Variants in FGF18 observed in about 807,000 individuals in gnomAD.
FGF18 encodes fibroblast growth factor 18.
A neutral mutation model predicts 23.0 loss-of-function variants in FGF18; 5 were observed. That is an observed-to-expected ratio of 0.22 (90% CI 0.11 to 0.46). The LOEUF (loss-of-function observed/expected upper bound fraction) is 0.46, where lower values mean the gene tolerates loss of function less well. Ranked by LOEUF, FGF18 falls within the 20% of genes least tolerant of loss-of-function variation. The probability of loss-of-function intolerance (pLI) is 0.99; values close to 1 mark genes in which losing one functional copy is unlikely to be tolerated. For synonymous variants in FGF18, 117 were observed against 118.9 expected (o/e 0.98, Z 0.10); for missense variants, 180 against 291.6 (o/e 0.62, Z 2.79).
At chr5:171,432,286 C>T (rs932481413) in intron 2 of FGF18, among the ~76,000 whole-genome samples, 40 of 152,204 alleles carry the variant, frequency 2.6e-4, no homozygotes, top group Non-Finnish European at 1.5e-5. Context: ...TGTGCTCTGG[C>T]AGCAGACCTT....
intron 4 of FGF18, among the ~76,000 whole-genome samples, chr5:171,455,593 C>T (rs926070236): frequency 1.3e-5 from 2 of 152,226 alleles, no homozygotes; most frequent in Non-Finnish European, 2.9e-5. Flanking sequence ...CTGTCCTTCT[C>T]TCCTCCTTGA....
At chr5:171,420,997 C>T (rs192518182) in intron 2 of FGF18, among the ~76,000 whole-genome samples, 54 of 152,332 alleles carry the variant, frequency 3.5e-4, no homozygotes, top group Admixed American at 3.3e-3. Context: ...CCGCTGCCCG[C>T]GAGGCCGCTC....
intron 2 of FGF18, among the ~76,000 whole-genome samples, chr5:171,432,400 C>T (rs1294682881): frequency 1.3e-5 from 2 of 151,808 alleles, no homozygotes; most frequent in African/African-American, 2.4e-5. Flanking sequence ...ATTATATTTA[C>T]TTATTTATTC....
At chr5:171,448,843 G>A (rs1351136202) in intron 3 of FGF18, among the ~76,000 whole-genome samples, 1 of 152,124 alleles carries the variant, frequency 6.6e-6, no homozygotes, top group African/African-American at 2.4e-5. Flanking sequence ...CAGCCACAGG[G>A]GGCAGAACTC....
chr5:171,441,556 C>T (rs1268618440), intron 3 of FGF18, among the ~76,000 whole-genome samples: 3 of 152,226 alleles, frequency 2.0e-5, no homozygotes, highest in East Asian at 3.9e-4. Flanking sequence ...GGCTTCTGTA[C>T]GATTGTCTCC....
rs538815345 is a variant in FGF18 at position 171,428,989 on chromosome 5, A to G, written c.70-7104A>G. ...CCCTGCTGATGGCTCAACCCTGCCAATCAATACATTGATAGCCCTGGGAGC... is the reference window on the plus strand; with the variant it reads ...CCCTGCTGATGGCTCAACCCTGCCAGTCAATACATTGATAGCCCTGGGAGC... On this transcript the variant is annotated intron_variant, in intron 2 of 4. Transcript: ENST00000274625. Among the ~76,000 whole-genome samples the G allele has an allele frequency of 3.9e-5, 6 of 152,322 alleles. No individual in the cohort carries two copies. The South Asian group carries it at 8.3e-4, about 21-fold the overall frequency.
intron 2 of FGF18, among the ~76,000 whole-genome samples, chr5:171,427,684 C>T (rs779520868): frequency 6.6e-6 from 1 of 152,216 alleles, no homozygotes; most frequent in Non-Finnish European, 1.5e-5. Context: ...TTATGGGACG[C>T]TTGCTGCATA....
intron 2 of FGF18, among the ~76,000 whole-genome samples, chr5:171,435,161 A>T (rs1057320912): frequency 6.6e-6 from 1 of 151,976 alleles, no homozygotes; most frequent in East Asian, 1.9e-4. Flanking sequence ...GTGGGAGAGG[A>T]AGGTGGGAAA....
At chr5:171,427,188 G>T (rs1239694187) in intron 2 of FGF18, among the ~76,000 whole-genome samples, 1 of 149,116 alleles carries the variant, frequency 6.7e-6, no homozygotes, top group Non-Finnish European at 1.5e-5. Flanking sequence ...GCCTGGGCAA[G>T]AGCGACGCTC....
In FGF18 at chr5:171,451,327, C is replaced by G. The variant is rs1772504806; in HGVS notation, c.357+2074C>G. ...CCACCCGGGGGACTCGAGGACGCCA[C>G]CAAATCCACCTGTCCAGGCTTGACC... On this transcript the variant is annotated intron_variant, in intron 4 of 4. Transcript: ENST00000274625. The surrounding 1 kb of genome is among the most constrained non-coding windows in gnomAD (Gnocchi z 4.5). Among the ~76,000 whole-genome samples the G allele has an allele frequency of 6.6e-6, 1 of 152,164 alleles. No homozygotes were observed. Among genetic ancestry groups the G allele is most frequent in the Non-Finnish European group, 1.5e-5 (1 of 68,014 alleles).
chr5:171,431,625 T>C (rs1168798011), intron 2 of FGF18, among the ~76,000 whole-genome samples: 1 of 152,112 alleles, frequency 6.6e-6, no homozygotes, highest in African/African-American at 2.4e-5. Flanking sequence ...AAGGGGACCC[T>C]AGGCCACCAT....
At chr5:171,432,359 T>TTTGTTC (rs146075986) in intron 2 of FGF18, among the ~76,000 whole-genome samples, 8 of 151,374 alleles carry the variant, frequency 5.3e-5, no homozygotes, top group Non-Finnish European at 7.4e-5. Flanking sequence ...TGGGGGTCAT[T>TTTGTTC]TTCTTCTTCT....
Position 171,436,797 on chromosome 5 carries a change from G to A in FGF18, c.250+524G>A, listed in dbSNP as rs901832539. Among the ~76,000 whole-genome samples, 19 of 152,244 alleles carry A rather than the reference G, an allele frequency of 1.2e-4. No individual in the cohort carries two copies. The highest frequency in any genetic ancestry group is 4.1e-4 in the African/African-American group (17 of 41,558). On this transcript the variant is annotated intron_variant, in intron 3 of 4. Transcript: ENST00000274625. This position sits in a 1 kb window ranked among gnomAD's most constrained non-coding sequence, Gnocchi z 4.4. ...GTCCTGTTGACCTGCCCTTGACCCT[G>A]GAACTGCCCAACCCTCCTGGAGTAC...
At chr5:171,424,173 T>A (rs1330692725) in intron 2 of FGF18, among the ~76,000 whole-genome samples, 2 of 152,146 alleles carry the variant, frequency 1.3e-5, no homozygotes, top group Non-Finnish European at 2.9e-5. Flanking sequence ...GTCTAGTCAG[T>A]CCCTGGCCTC....
rs558525615 is a variant in FGF18, at chr5:171,424,907, G to C, written c.69+4464G>C. On this transcript the variant is annotated intron_variant, in intron 2 of 4. Coordinates refer to ENST00000274625, the MANE Select transcript of FGF18 (RefSeq NM_003862.3). ...CCCCATCAGCATTCCTGAAGCTTGGGAGTGTCACCCGCTCTGAGATAAGGA... is the reference window on the plus strand; with the variant it reads ...CCCCATCAGCATTCCTGAAGCTTGGCAGTGTCACCCGCTCTGAGATAAGGA... 1.2e-4 allele frequency among the ~76,000 whole-genome samples: 18 copies of C among 152,334 alleles called. No homozygotes were observed. The South Asian group carries it at 3.7e-3, about 32-fold the overall frequency.
intron 2 of FGF18, among the ~76,000 whole-genome samples, chr5:171,430,038 A>C (rs978717059): frequency 2.6e-5 from 4 of 152,252 alleles, no homozygotes; most frequent in Non-Finnish European, 5.9e-5. Flanking sequence ...TCTGAGCCTC[A>C]GTTTCCCTCT....
intron 3 of FGF18, among the ~76,000 whole-genome samples, chr5:171,443,500 C>CTTTTTTTTT (rs766926286): frequency 0.061 from 4,231 of 69,700 alleles, 773 homozygotes; most frequent in Admixed American, 0.072. Context: ...CTGTTATCAT[C>CTTTTTTTTT]ATTTTTTTTT....
rs187506781 is a variant in FGF18, at chr5:171,434,458, G to C, written c.70-1635G>C. Among the ~76,000 whole-genome samples, 104 of 152,338 alleles carry C rather than the reference G, an allele frequency of 6.8e-4. 2 individuals are homozygous for C. The highest frequency in any genetic ancestry group is 4.6e-3 in the East Asian group (24 of 5,174). ...CAGCTGAGAGGTGAGACAGATGTTT[G>C]GGCAGCCAGGGTCCCAAGAGCTCTG... On this transcript the variant is annotated intron_variant, in intron 2 of 4. Transcript: ENST00000274625. The surrounding 1 kb of genome is among the most constrained non-coding windows in gnomAD (Gnocchi z 4.6).
chr5:171,454,397 G>A (rs969592886), intron 4 of FGF18, among the ~76,000 whole-genome samples: 1 of 152,054 alleles, frequency 6.6e-6, no homozygotes, highest in Non-Finnish European at 1.5e-5. Flanking sequence ...TTTCCATGGG[G>A]TACCCAGAGC....
Sources: allele counts gnomAD v4.1 joint callset (sites outside exome capture counted in the v4.1 genomes callset), GRCh38; gene constraint gnomAD v4.1.1; non-coding constraint Gnocchi (gnomAD v3.1); transcripts MANE v1.5; gene names NCBI Gene and HGNC (gene_info 2026-07-23, HGNC 2026-07-21).